The following C2orf42 variants were observed in gnomAD, a reference collection of about 807,000 sequenced individuals.
C2orf42 encodes uncharacterized protein C2orf42.
C2orf42 carries 44 observed loss-of-function variants against 58.9 expected under a neutral mutation model. That is an observed-to-expected ratio of 0.75 (90% confidence interval 0.59 to 0.96). The LOEUF is 0.96. Ranked by LOEUF, C2orf42 falls within the 40% of genes least tolerant of loss-of-function variation. The pLI, the probability that C2orf42 is intolerant of heterozygous loss-of-function variation, is 0.00. For synonymous variants in C2orf42, 239 were observed against 265.4 expected, an observed-to-expected ratio of 0.90 and a Z score of 0.97; for missense variants, 630 against 699.2, an observed-to-expected ratio of 0.90 and a Z score of 1.12.
intron 1 of C2orf42, among the ~76,000 whole-genome samples, chr2:70,187,942 C>T (rs1201168217): frequency 6.6e-6 from 1 of 151,990 alleles, no homozygotes; most frequent in Non-Finnish European, 1.5e-5. Flanking sequence ...CCACCCACCT[C>T]GGCCTCCCAA....
chr2:70,175,510 G>A lies in C2orf42; in HGVS notation c.1039+163C>T, dbSNP rs1363516395. Among the ~76,000 whole-genome samples the A allele has an allele frequency of 3.3e-5, 5 of 152,174 alleles. No individual in the cohort carries two copies. In the South Asian group the frequency reaches 6.2e-4, roughly 19 times the overall value. ...GGCCTCCAGCATAATTTAGCTTTGA[G>A]CATGATTTGAAACTGGTGGGACAGG... On this transcript the variant is annotated intron_variant, in intron 5 of 9. Coordinates refer to ENST00000264434, the MANE Select transcript of C2orf42 (RefSeq NM_017880.3).
chr2:70,154,414 T>TAAAAAAAAAAAAAAAAAAAAAAAAAAA (rs36028499), intron 9 of C2orf42, among the ~76,000 whole-genome samples: 1 of 25,566 alleles, frequency 3.9e-5, no homozygotes, highest in African/African-American at 1.5e-4. Context: ...AAATTTTTAC[T>TAAAAAAAAAAAAAAAAAAAAAAAAAAA]AAAAAAAAAA....
chr2:70,167,699 C>G (rs886928199), intron 6 of C2orf42, among the ~76,000 whole-genome samples: 16 of 151,998 alleles, frequency 1.1e-4, no homozygotes, highest in African/African-American at 3.9e-4. Flanking sequence ...TGAGATTGTA[C>G]CACTGCACTC....
intron 4 of C2orf42, among the ~76,000 whole-genome samples, chr2:70,177,872 C>T (rs545524798): frequency 6.6e-6 from 1 of 152,020 alleles, no homozygotes; most frequent in Non-Finnish European, 1.5e-5. Flanking sequence ...CCTGTCTCTA[C>T]AAAAAACAAA....
intron 9 of C2orf42, among the ~76,000 whole-genome samples, chr2:70,159,495 G>A (rs2104855715): frequency 6.6e-6 from 1 of 151,638 alleles, no homozygotes; most frequent in East Asian, 1.9e-4. Context: ...GGCTGAGGCA[G>A]GGGAATCGCT....
At chr2:70,184,763 G>A (rs376801335) in intron 1 of C2orf42, among the ~76,000 whole-genome samples, 12 of 151,548 alleles carry the variant, frequency 7.9e-5, no homozygotes, top group Non-Finnish European at 1.5e-4. Flanking sequence ...TTACAGGTGT[G>A]AGCCACCATG....
At chr2:70,167,668 G>A (rs1324765886) in intron 6 of C2orf42, among the ~76,000 whole-genome samples, 1 of 152,086 alleles carries the variant, frequency 6.6e-6, no homozygotes, top group Non-Finnish European at 1.5e-5. Context: ...TTGAGCCTGG[G>A]AGGTGGAGGT....
chr2:70,180,633 C>CAAAAAAAA (rs1674494928), intron 3 of C2orf42, among the ~76,000 whole-genome samples: 1 of 109,858 alleles, frequency 9.1e-6, no homozygotes. Context: ...AAAAAAAAAT[C>CAAAAAAAA]AAGAGATTCT....
intron 1 of C2orf42, among the ~76,000 whole-genome samples, chr2:70,185,184 T>C (rs985912054): frequency 2.0e-5 from 3 of 152,108 alleles, no homozygotes; most frequent in African/African-American, 7.2e-5. Context: ...GTGGAACACC[T>C]GAGGGCAGGA....
rs1171174664 is a variant in C2orf42, at chr2:70,172,223, C to CAA, written c.1040-2564_1040-2563dup. On this transcript the variant is annotated intron_variant, in intron 5 of 9. Transcript: ENST00000264434. Reference sequence around the variant, plus strand: ...TAGGCGACAGAGTGAGACTCTGTCTCAAAAAAAAAAAAAAAAAAAAGGCTA... The same window carrying CAA: ...TAGGCGACAGAGTGAGACTCTGTCTCAAAAAAAAAAAAAAAAAAAAAAGGCTA... Among the ~76,000 whole-genome samples, 16 of 58,118 alleles carry CAA rather than the reference C, an allele frequency of 2.8e-4. 1 individual carries two copies. Among genetic ancestry groups the CAA allele is most frequent in the African/African-American group, 5.9e-4 (11 of 18,736 alleles). The allele number at this position is 58,118 out of a possible 152,430, so 38.1% of individuals were successfully genotyped here.
rs570972175 is a variant in C2orf42, at chr2:70,167,187, T to C, written c.1145-1552A>G. 2.5e-3 allele frequency among the ~76,000 whole-genome samples: 380 copies of C among 151,776 alleles called. 3 individuals carry two copies. Among genetic ancestry groups the C allele is most frequent in the African/African-American group, 8.8e-3 (366 of 41,372 alleles). ...TCCTGGCTAACATGGTGAAACTCCA[T>C]CTCTACTAAAAATACAAAAAATTAG... is the stretch of plus-strand genomic sequence containing the variant. On this transcript the variant is annotated intron_variant, in intron 6 of 9. Coordinates refer to ENST00000264434, the MANE Select transcript of C2orf42 (RefSeq NM_017880.3).
At chr2:70,158,804 G>C (rs769687428) in intron 9 of C2orf42, among the ~76,000 whole-genome samples, 24 of 152,026 alleles carry the variant, frequency 1.6e-4, no homozygotes, top group Non-Finnish European at 3.4e-4. Flanking sequence ...TGTTGGCCAG[G>C]CTGGTTGGAA....
At chr2:70,153,216 CAGGAG>C (rs1428980148) in intron 9 of C2orf42, among the ~76,000 whole-genome samples, 1 of 151,922 alleles carries the variant, frequency 6.6e-6, no homozygotes, top group Non-Finnish European at 1.5e-5. Context: ...CAGAGATGGT[CAGGAG>C]ATGCCACTGT....
intron 5 of C2orf42, among the ~76,000 whole-genome samples, chr2:70,174,931 CAA>C (rs1674084777): frequency 6.6e-6 from 1 of 152,102 alleles, no homozygotes; most frequent in Non-Finnish European, 1.5e-5. Flanking sequence ...CTCAGTCTCC[CAA>C]AGTGCTGGGA....
At chr2:70,158,570 C>T (rs1387290382) in intron 9 of C2orf42, among the ~76,000 whole-genome samples, 1 of 152,130 alleles carries the variant, frequency 6.6e-6, no homozygotes, top group African/African-American at 2.4e-5. Flanking sequence ...CTACCTCAGC[C>T]TCCCGAGTAG....
chr2:70,182,108 T>G lies in C2orf42; in HGVS notation c.-12-111A>C. 5 of 575,056 alleles carry G rather than the reference T, an allele frequency of 8.7e-6. No homozygotes were observed. The East Asian group carries it at 1.5e-4, about 17-fold the overall frequency. The allele number at this position is 575,056 out of a possible 1,614,324, so 35.6% of individuals were successfully genotyped here. On this transcript the variant is annotated intron_variant, in intron 2 of 9. Transcript: ENST00000264434. ...AAAATATAAAAAAGCTATCTACTAT[T>G]TTTTTTTTTTAGACGGAGTCTCGCT...
intron 9 of C2orf42, among the ~76,000 whole-genome samples, chr2:70,159,407 G>A (rs1672913115): frequency 6.6e-6 from 1 of 151,126 alleles, no homozygotes; most frequent in African/African-American, 2.4e-5. Flanking sequence ...GGGCAACATG[G>A]TGAAACCCCG....
rs1363204125 is a variant in C2orf42 at position 70,159,054 on chromosome 2, A to AT, written c.1516+1570dup. On this transcript the variant is annotated intron_variant, in intron 9 of 9. Transcript: ENST00000264434. Reference sequence around the variant, plus strand: ...AGCCTCCCGCCACCGCGCCCAGCTAATTTTTTGTATTTTAGTAGAGATGGG... The same window carrying AT: ...AGCCTCCCGCCACCGCGCCCAGCTAATTTTTTTGTATTTTAGTAGAGATGGG... Among the ~76,000 whole-genome samples the AT allele has an allele frequency of 2.7e-5, 4 of 146,510 alleles. No homozygotes were observed. In the East Asian group the frequency reaches 8.4e-4, roughly 31 times the overall value.
chr2:70,171,323 G>A (rs1421464896), intron 5 of C2orf42, among the ~76,000 whole-genome samples: 4 of 152,082 alleles, frequency 2.6e-5, no homozygotes, highest in African/African-American at 9.7e-5. Flanking sequence ...TGTTTTAGAG[G>A]TTTATAAATT....
Sources: gnomAD v4.1 joint callset for allele counts (sites outside exome capture counted in the v4.1 genomes callset) on GRCh38, gnomAD v4.1.1 for gene constraint, MANE v1.5 for transcripts, NCBI Gene and HGNC (gene_info 2026-07-23, HGNC 2026-07-21) for gene names.